The following C8orf34 variants were observed in gnomAD, a reference collection of about 807,000 sequenced individuals.
C8orf34 encodes chromosome 8 open reading frame 34.
In C8orf34, 65 loss-of-function variants were observed where a neutral mutation model predicts 68.3. That is an observed-to-expected ratio of 0.95 (90% CI 0.78 to 1.17). The LOEUF is 1.17. Ranked by LOEUF, C8orf34 falls within the 50% of genes most tolerant of loss-of-function variation. The pLI, the probability that C8orf34 is intolerant of heterozygous loss-of-function variation, is 0.00. For synonymous variants in C8orf34, 244 were observed against 241.2 expected (o/e 1.01, Z -0.11); for missense variants, 664 against 655.4 (o/e 1.01, Z -0.14).
intron 8 of C8orf34, among the ~76,000 whole-genome samples, chr8:68,685,703 A>G (rs1279080102): frequency 6.6e-6 from 1 of 151,714 alleles, no homozygotes; most frequent in African/African-American, 2.4e-5. Context: ...CAAAAATACA[A>G]AAAGAAACCC....
At chr8:68,772,980 C>G (rs111509763) in intron 10 of C8orf34, among the ~76,000 whole-genome samples, 4 of 151,970 alleles carry the variant, frequency 2.6e-5, no homozygotes, top group African/African-American at 9.7e-5. Context: ...TATCCTCTCC[C>G]CCTCTTTGTT....
At chr8:68,768,905 T>G (rs895733794) in intron 10 of C8orf34, among the ~76,000 whole-genome samples, 1 of 151,996 alleles carries the variant, frequency 6.6e-6, no homozygotes, top group African/African-American at 2.4e-5. Context: ...TTTTAGTATC[T>G]TAAGTATATT....
intron 10 of C8orf34, among the ~76,000 whole-genome samples, chr8:68,768,100 C>T (rs1242532806): frequency 2.0e-5 from 3 of 152,136 alleles, no homozygotes; most frequent in African/African-American, 2.4e-5. Flanking sequence ...TTTTGTTAAA[C>T]GTATTTGATA....
chr8:68,569,134 T>C (rs1306930307), intron 7 of C8orf34, among the ~76,000 whole-genome samples: 7 of 152,242 alleles, frequency 4.6e-5, no homozygotes, highest in Non-Finnish European at 1.0e-4. Flanking sequence ...TGGGTTTCTA[T>C]GATAAAATCT....
At chr8:68,585,710 A>T (rs994207435) in intron 7 of C8orf34, among the ~76,000 whole-genome samples, 3 of 152,080 alleles carry the variant, frequency 2.0e-5, no homozygotes, top group African/African-American at 7.2e-5. Flanking sequence ...AGGGTCACTC[A>T]CATGGCTGCT....
At chr8:68,734,182 G>T (rs983962790) in intron 10 of C8orf34, among the ~76,000 whole-genome samples, 1 of 152,122 alleles carries the variant, frequency 6.6e-6, no homozygotes, top group Admixed American at 6.6e-5. Flanking sequence ...AGGTAATCAA[G>T]AACTAGTAGA....
Position 68,483,424 on chromosome 8 carries a change from G to A in C8orf34, c.737-4599G>A, listed in dbSNP as rs188981217. 7.4e-4 allele frequency among the ~76,000 whole-genome samples: 112 copies of A among 152,176 alleles called. 3 individuals are homozygous for A. The East Asian group carries it at 0.019, about 26-fold the overall frequency. Reference sequence around the variant, plus strand: ...GTGCCTGGGGAGGTTGCAAGACAAGGTGACTCCCTGCACCGTTATCTTCCA... The same window carrying A: ...GTGCCTGGGGAGGTTGCAAGACAAGATGACTCCCTGCACCGTTATCTTCCA... On this transcript the variant is annotated intron_variant, in intron 4 of 13. Transcript: ENST00000518698.
chr8:68,772,164 A>C (rs72668539), intron 10 of C8orf34, among the ~76,000 whole-genome samples: 1,968 of 152,316 alleles, frequency 0.013, 20 homozygotes, highest in Non-Finnish European at 0.022. Context: ...GATGAGAAGA[A>C]AAATTATTCT....
intron 11 of C8orf34, among the ~76,000 whole-genome samples, chr8:68,783,290 C>T (rs1037062730): frequency 2.0e-5 from 3 of 151,910 alleles, no homozygotes; most frequent in Non-Finnish European, 2.9e-5. Context: ...GAGGCCAAGG[C>T]GGGTGGATCA....
chr8:68,390,739 G>A (rs959203343), intron 1 of C8orf34, among the ~76,000 whole-genome samples: 5 of 152,238 alleles, frequency 3.3e-5, no homozygotes, highest in Middle Eastern at 3.4e-3. Context: ...ACCTTTGAGG[G>A]TAGTCACAGT....
intron 8 of C8orf34, among the ~76,000 whole-genome samples, chr8:68,696,135 G>A (rs986221311): frequency 4.6e-5 from 7 of 151,160 alleles, no homozygotes; most frequent in African/African-American, 1.5e-4. Context: ...AACTATACTT[G>A]AGCCTGTGTG....
rs1822316105 is a variant in C8orf34 at position 68,742,222 on chromosome 8, T to C, written c.1404+20785T>C. On this transcript the variant is annotated intron_variant, in intron 10 of 13. Transcript: ENST00000518698. ...ATGGCTGCCTTATCCGGCCAGTCCC[T>C]GAACAGTGCATTTCATCAATGACTC... Among the ~76,000 whole-genome samples, 21 of 152,230 alleles carry C rather than the reference T, an allele frequency of 1.4e-4. 1 individual carries two copies. Among genetic ancestry groups the C allele is most frequent in the Admixed American group, 1.4e-3 (21 of 15,274 alleles).
chr8:68,653,767 A>G (rs752481173), intron 8 of C8orf34, among the ~76,000 whole-genome samples: 2 of 152,134 alleles, frequency 1.3e-5, no homozygotes, highest in Non-Finnish European at 2.9e-5. Context: ...ATAGCATCAC[A>G]TTATAGATTA....
At chr8:68,388,888 T>A (rs535135160) in intron 1 of C8orf34, among the ~76,000 whole-genome samples, 1 of 152,300 alleles carries the variant, frequency 6.6e-6, no homozygotes, top group South Asian at 2.1e-4. Context: ...AGGGATCACA[T>A]TTTGAGAACA....
At chr8:68,649,358 G>A (rs1375377325) in intron 8 of C8orf34, among the ~76,000 whole-genome samples, 1 of 152,150 alleles carries the variant, frequency 6.6e-6, no homozygotes, top group Admixed American at 6.5e-5. Flanking sequence ...GAACTTACTT[G>A]TATACCAGCT....
intron 7 of C8orf34, among the ~76,000 whole-genome samples, chr8:68,593,439 G>A (rs983775716): frequency 6.6e-6 from 1 of 151,934 alleles, no homozygotes; most frequent in Admixed American, 6.6e-5. Context: ...ATCAAAATAT[G>A]CCGGGTCCAT....
intron 8 of C8orf34, among the ~76,000 whole-genome samples, chr8:68,670,071 C>A (rs1819960642): frequency 6.6e-6 from 1 of 152,138 alleles, no homozygotes; most frequent in Non-Finnish European, 1.5e-5. Flanking sequence ...TGGTCAGCAG[C>A]TCTGCATTCT....
intron 7 of C8orf34, among the ~76,000 whole-genome samples, chr8:68,611,392 T>C (rs935778670): frequency 3.9e-5 from 6 of 152,184 alleles, no homozygotes; most frequent in Non-Finnish European, 8.8e-5. Flanking sequence ...AGAGAAATCC[T>C]TAGGCTTGGG....
intron 7 of C8orf34, among the ~76,000 whole-genome samples, chr8:68,616,241 A>G (rs138622572): frequency 0.29 from 44,547 of 151,318 alleles, 8,348 homozygotes; most frequent in African/African-American, 0.55. Flanking sequence ...CAAAAAACCA[A>G]CTCCTGGATT....
Sources: gnomAD v4.1 joint callset for allele counts (sites outside exome capture counted in the v4.1 genomes callset) on GRCh38, gnomAD v4.1.1 for gene constraint, MANE v1.5 for transcripts, NCBI Gene and HGNC (gene_info 2026-07-23, HGNC 2026-07-21) for gene names.